IPCEF1: variants seen among roughly 807,000 people sequenced by gnomAD.
IPCEF1 encodes interaction protein for cytohesin exchange factors 1.
IPCEF1 carries 31 observed loss-of-function variants against 50.9 expected under a neutral mutation model. That is an observed-to-expected ratio of 0.61 (90% confidence interval 0.46 to 0.82). IPCEF1 has a LOEUF of 0.82. IPCEF1 is among the 40% of genes least tolerant of loss of function. The probability of loss-of-function intolerance (pLI) is 0.00; values close to 1 mark genes in which losing one functional copy is unlikely to be tolerated. For synonymous variants in IPCEF1, 181 were observed against 192.0 expected (o/e 0.94, Z 0.47); for missense variants, 458 against 514.0 (o/e 0.89, Z 1.05).
At chr6:154,223,364 A>AACC in intron 5 of IPCEF1, 121 bp from the exon 6 acceptor site, 1 of 753,698 alleles carries the variant, frequency 1.3e-6, no homozygotes, top group Non-Finnish European at 2.3e-6. Flanking sequence ...AAGAGATACC[A>AACC]ACCACCCTGA....
intron 9 of IPCEF1, among the ~76,000 whole-genome samples, chr6:154,203,520 C>T (rs1013228995): frequency 7.9e-5 from 12 of 152,192 alleles, no homozygotes; most frequent in African/African-American, 1.7e-4. Context: ...ATGAAGACAG[C>T]GTTTGTGGGA....
Position 154,214,291 on chromosome 6 carries a change from G to A in IPCEF1, c.393-15C>T. The A allele has an allele frequency of 6.3e-7, 1 of 1,593,210 alleles. No individual in the cohort carries two copies. ...TATTTAACCACCTAAAATTCAAATA[G>A]AAAGCAAATGTTGACCAAAGAGATT... On this transcript the variant is annotated splice_polypyrimidine_tract_variant and intron_variant, in intron 7 of 11. Transcript: ENST00000367220.
chr6:154,202,637 C>A (rs1419563080), intron 9 of IPCEF1, among the ~76,000 whole-genome samples: 1 of 152,142 alleles, frequency 6.6e-6, no homozygotes, highest in Non-Finnish European at 1.5e-5. Flanking sequence ...GAACAACAGA[C>A]CATGTACACA....
chr6:154,343,500 A>T (rs578041209), intron 1 of IPCEF1, among the ~76,000 whole-genome samples: 4 of 152,112 alleles, frequency 2.6e-5, no homozygotes, highest in African/African-American at 9.7e-5. Flanking sequence ...AAAATGCTCC[A>T]CTTCCCTGGG....
intron 9 of IPCEF1, among the ~76,000 whole-genome samples, chr6:154,211,341 A>G (rs1777945923): frequency 6.6e-6 from 1 of 152,098 alleles, no homozygotes; most frequent in African/African-American, 2.4e-5. Context: ...CCTGGGAGGC[A>G]GAGCTTGCAG....
intron 5 of IPCEF1, among the ~76,000 whole-genome samples, chr6:154,237,126 A>G (rs969111537): frequency 2.6e-5 from 4 of 152,198 alleles, no homozygotes; most frequent in African/African-American, 4.8e-5. Context: ...TGACCCTTAA[A>G]AGAGCTTGCT....
In IPCEF1 at chr6:154,253,637, T is replaced by C. The variant is rs9479799; in HGVS notation, c.37-6149A>G. On this transcript the variant is annotated intron_variant, in intron 3 of 11. Transcript: ENST00000367220. ...TGCAGGTGTCTTTCTGGGCTACCTA[T>C]GTGTCTGGAAGTGGAATTCCATGAT... is the stretch of plus-strand genomic sequence containing the variant. Among the ~76,000 whole-genome samples the C allele has an allele frequency of 9.1e-3, 1,382 of 152,372 alleles. 10 individuals carry two copies. The highest frequency in any genetic ancestry group is 0.016 in the Non-Finnish European group (1,063 of 68,032).
intron 5 of IPCEF1, among the ~76,000 whole-genome samples, chr6:154,232,019 GTTA>G (rs1450175789): frequency 6.6e-6 from 1 of 152,142 alleles, no homozygotes; most frequent in Non-Finnish European, 1.5e-5. Context: ...GTAGTGACAT[GTTA>G]TTATCATTTT....
At chr6:154,267,763 C>T (rs1781793818) in intron 2 of IPCEF1, among the ~76,000 whole-genome samples, 1 of 151,848 alleles carries the variant, frequency 6.6e-6, no homozygotes, top group African/African-American at 2.4e-5. Flanking sequence ...CAGAAGTCTG[C>T]AGCAGCTCTT....
intron 3 of IPCEF1, among the ~76,000 whole-genome samples, chr6:154,248,169 A>T (rs1375559517): frequency 6.6e-6 from 1 of 152,198 alleles, no homozygotes; most frequent in Non-Finnish European, 1.5e-5. Flanking sequence ...GTTACCACCT[A>T]CTATTCTGTA....
intron 10 of IPCEF1, among the ~76,000 whole-genome samples, chr6:154,184,806 C>A (rs1313978096): frequency 2.0e-5 from 3 of 151,916 alleles, no homozygotes; most frequent in Non-Finnish European, 4.4e-5. Flanking sequence ...AGTATAGTAT[C>A]TTTCTAGATT....
chr6:154,217,627 G>A (rs1446086091), intron 7 of IPCEF1: 1 of 152,086 alleles, frequency 6.6e-6, no homozygotes, highest in African/African-American at 2.4e-5. Context: ...ACACGAATAC[G>A]TTTTATGTAT....
intron 7 of IPCEF1, among the ~76,000 whole-genome samples, chr6:154,214,931 C>CCTTCTCACTGTAGTTCCTTAT (rs1247509398): frequency 6.6e-6 from 1 of 152,192 alleles, no homozygotes; most frequent in Non-Finnish European, 1.5e-5. Context: ...TCACTGCAGA[C>CCTTCTCACTGTAGTTCCTTAT]CACTGTAGTT....
intron 10 of IPCEF1, among the ~76,000 whole-genome samples, chr6:154,191,694 CAACA>C: frequency 6.6e-6 from 1 of 151,124 alleles, no homozygotes; most frequent in South Asian, 2.1e-4. Flanking sequence ...ACAACAACAA[CAACA>C]ACAACAACAA....
chr6:154,304,982 C>T (rs777948361), intron 1 of IPCEF1, among the ~76,000 whole-genome samples: 3 of 151,918 alleles, frequency 2.0e-5, no homozygotes, highest in African/African-American at 4.8e-5. Flanking sequence ...GGTGTAGTGG[C>T]GCATGCCTGT....
At chr6:154,227,203 C>CA (rs1458019097) in intron 5 of IPCEF1, among the ~76,000 whole-genome samples, 1 of 150,830 alleles carries the variant, frequency 6.6e-6, no homozygotes, top group Non-Finnish European at 1.5e-5. Context: ...GATTCTGTCT[C>CA]AAAACAAACA....
At chr6:154,276,766 A>C (rs778550302) in intron 2 of IPCEF1, among the ~76,000 whole-genome samples, 4 of 152,216 alleles carry the variant, frequency 2.6e-5, no homozygotes, top group Non-Finnish European at 4.4e-5. Flanking sequence ...ATCTCATTAC[A>C]TTCTTAGAGA....
At chr6:154,342,167 CT>C (rs1285853589) in intron 1 of IPCEF1, among the ~76,000 whole-genome samples, 1 of 152,146 alleles carries the variant, frequency 6.6e-6, no homozygotes, top group East Asian at 1.9e-4. Flanking sequence ...GCCAATTACA[CT>C]TTAGGTCTGC....
At chr6:154,316,747 A>G (rs1447514630) in intron 1 of IPCEF1, among the ~76,000 whole-genome samples, 1 of 152,222 alleles carries the variant, frequency 6.6e-6, no homozygotes, top group African/African-American at 2.4e-5. Flanking sequence ...AAAATCACTA[A>G]AAGTGTAAAT....
Sources: allele counts gnomAD v4.1 joint callset (sites outside exome capture counted in the v4.1 genomes callset), GRCh38; gene constraint gnomAD v4.1.1; transcripts MANE v1.5; gene names NCBI Gene and HGNC (gene_info 2026-07-23, HGNC 2026-07-21).